RAD51B: variants seen among roughly 807,000 people sequenced by gnomAD.
The protein encoded by RAD51B is DNA repair protein RAD51 homolog 2.
RAD51B carries 38 observed loss-of-function variants against 42.2 expected under a neutral mutation model. The ratio of observed to expected loss-of-function variants is 0.90; its 90% confidence interval spans 0.70 to 1.18. The LOEUF is 1.18. RAD51B is among the 50% of genes most tolerant of loss of function. RAD51B has a pLI of 0.00. For missense variants in RAD51B, 373 were observed against 400.7 expected, an observed-to-expected ratio of 0.93 and a Z score of 0.59; for synonymous variants, 154 against 145.2, an observed-to-expected ratio of 1.06 and a Z score of -0.43.
chr14:68,042,000 T>C (rs1449107730), intron 7 of RAD51B, among the ~76,000 whole-genome samples: 1 of 152,182 alleles, frequency 6.6e-6, no homozygotes, highest in Non-Finnish European at 1.5e-5. Context: ...GATGGTTGGA[T>C]CTGGGAATAT....
intron 7 of RAD51B, among the ~76,000 whole-genome samples, chr14:68,221,514 A>G (rs1237761399): frequency 1.3e-5 from 2 of 152,260 alleles, no homozygotes; most frequent in African/African-American, 4.8e-5. Context: ...CTGGATCCTC[A>G]TCTCTAACCT....
In RAD51B at chr14:68,537,499, A is replaced by AG. The variant is rs1491121942; in HGVS notation, c.1037-56986_1037-56985insG. Among the ~76,000 whole-genome samples the AG allele has an allele frequency of 1.2e-3, 9 of 7,486 alleles. No individual in the cohort carries two copies. The South Asian group carries it at 0.068, about 57-fold the overall frequency. 4.9% of individuals were successfully genotyped at this position (7,486 alleles called of 152,430 possible). On this transcript the variant is annotated intron_variant, in intron 10 of 10. Coordinates refer to the RAD51B transcript ENST00000487270. ...GGGCGACAGAGCAAGATTTCGTCTC[A>AG]AAAAAAAAAAAGGAGCCATGAATCA... is the stretch of plus-strand genomic sequence containing the variant.
At chr14:68,055,352 T>C (rs2076457584) in intron 7 of RAD51B, among the ~76,000 whole-genome samples, 1 of 152,204 alleles carries the variant, frequency 6.6e-6, no homozygotes, top group South Asian at 2.1e-4. Context: ...AGAGAATTTT[T>C]CCCTTAATGT....
chr14:68,267,167 C>T (rs1008684049), intron 7 of RAD51B, among the ~76,000 whole-genome samples: 4 of 152,122 alleles, frequency 2.6e-5, no homozygotes, highest in East Asian at 1.9e-4. Flanking sequence ...TTGTGCTTTC[C>T]GCAAAGACGA....
intron 7 of RAD51B, among the ~76,000 whole-genome samples, chr14:68,256,888 ATTAAAG>A (rs779014789): frequency 8.5e-5 from 13 of 152,242 alleles, no homozygotes; most frequent in African/African-American, 2.7e-4. Context: ...TATAAGGGAT[ATTAAAG>A]TTAAAGTTAA....
intron 10 of RAD51B, among the ~76,000 whole-genome samples, chr14:68,636,737 G>T (rs144804279): frequency 6.6e-6 from 1 of 152,170 alleles, no homozygotes. Context: ...AATGTAACAG[G>T]TCTCCTGCTG....
chr14:68,224,532 G>C (rs897026779), intron 7 of RAD51B, among the ~76,000 whole-genome samples: 1 of 152,022 alleles, frequency 6.6e-6, no homozygotes. Context: ...ATATTATTAT[G>C]ATCTATTCAT....
At chr14:68,223,758 G>C (rs953962386) in intron 7 of RAD51B, among the ~76,000 whole-genome samples, 1 of 152,160 alleles carries the variant, frequency 6.6e-6, no homozygotes, top group African/African-American at 2.4e-5. Context: ...TGGCCTTGAT[G>C]AGCTTAGATT....
intron 10 of RAD51B, among the ~76,000 whole-genome samples, chr14:68,513,262 C>G (rs1257246134): frequency 1.3e-5 from 2 of 152,228 alleles, no homozygotes; most frequent in Non-Finnish European, 2.9e-5. Context: ...GCAATGGTAG[C>G]TGCACCTCAT....
intron 7 of RAD51B, among the ~76,000 whole-genome samples, chr14:68,178,097 C>G (rs1381378484): frequency 2.0e-5 from 3 of 152,000 alleles, no homozygotes; most frequent in Admixed American, 2.0e-4. Context: ...CCTTTCCTGC[C>G]TGAGGCTGCT....
chr14:67,934,016 C>A (rs977521475), intron 7 of RAD51B, among the ~76,000 whole-genome samples: 2 of 152,182 alleles, frequency 1.3e-5, no homozygotes, highest in Admixed American at 1.3e-4. Flanking sequence ...ACATCAGTTA[C>A]TTCTGACAGC....
chr14:68,097,113 T>C (rs2077209379), intron 7 of RAD51B, among the ~76,000 whole-genome samples: 1 of 152,204 alleles, frequency 6.6e-6, no homozygotes, highest in Non-Finnish European at 1.5e-5. Flanking sequence ...TGGATTTCTC[T>C]CTTGATGAAT....
At position 68,535,589 on chromosome 14, in the gene RAD51B, G is replaced by C. The variant is rs17105796; in HGVS notation, c.1037-58896G>C. Among the ~76,000 whole-genome samples the C allele has an allele frequency of 8.0e-3, 1,215 of 152,242 alleles. 15 individuals carry two copies. The highest frequency in any genetic ancestry group is 0.028 in the African/African-American group (1,179 of 41,508). Reference sequence around the variant, plus strand: ...CTTAGGATCACCAGGCTGACTCACTGTCATACAGATTCCAACTACAAAAAT... The same window carrying C: ...CTTAGGATCACCAGGCTGACTCACTCTCATACAGATTCCAACTACAAAAAT... On this transcript the variant is annotated intron_variant, in intron 10 of 10. Coordinates refer to the RAD51B transcript ENST00000487270.
chr14:68,240,310 CCTTA>C (rs2080356002), intron 7 of RAD51B, among the ~76,000 whole-genome samples: 1 of 152,188 alleles, frequency 6.6e-6, no homozygotes. Context: ...AACTCCACTT[CCTTA>C]TACAGCCACT....
At chr14:68,557,492 A>C (rs1888914078) in intron 10 of RAD51B, among the ~76,000 whole-genome samples, 1 of 152,240 alleles carries the variant, frequency 6.6e-6, no homozygotes. Context: ...GACTGTCTGT[A>C]GATGTAAATT....
intron 10 of RAD51B, among the ~76,000 whole-genome samples, chr14:68,606,383 A>G (rs1891447236): frequency 6.6e-6 from 1 of 152,180 alleles, no homozygotes; most frequent in South Asian, 2.1e-4. Context: ...AGAACCGGAA[A>G]CAGATGGCAG....
At chr14:68,094,538 A>G (rs2077159770) in intron 7 of RAD51B, among the ~76,000 whole-genome samples, 1 of 152,274 alleles carries the variant, frequency 6.6e-6, no homozygotes, top group South Asian at 2.1e-4. Flanking sequence ...TATTTTTCAA[A>G]GAAACACTCC....
At chr14:68,506,530 C>T (rs141434925) in intron 10 of RAD51B, among the ~76,000 whole-genome samples, 11 of 152,330 alleles carry the variant, frequency 7.2e-5, no homozygotes, top group South Asian at 2.1e-4. Flanking sequence ...GCTGTGCGTG[C>T]GCGTGCATGT....
intron 7 of RAD51B, among the ~76,000 whole-genome samples, chr14:68,126,493 A>G: frequency 6.6e-6 from 1 of 152,246 alleles, no homozygotes; most frequent in East Asian, 1.9e-4. Context: ...ATAACTGCAT[A>G]AAACTATAGC....
Sources: allele counts gnomAD v4.1 joint callset (sites outside exome capture counted in the v4.1 genomes callset), GRCh38; gene constraint gnomAD v4.1.1; transcripts MANE v1.5; gene names NCBI Gene and HGNC (gene_info 2026-07-23, HGNC 2026-07-21).